ASCC3: variants seen among roughly 807,000 people sequenced by gnomAD.
ASCC3 encodes the protein ASC-1 complex subunit P200.
Under a neutral mutation model 256.3 loss-of-function variants are expected in ASCC3, and 158 were observed. The ratio of observed to expected loss-of-function variants is 0.62; its 90% CI spans 0.54 to 0.70. The LOEUF is 0.70. ASCC3 is among the 30% of genes least tolerant of loss of function. The pLI, the probability that ASCC3 is intolerant of heterozygous loss-of-function variation, is 0.00. For missense variants in ASCC3, 2,259 were observed against 2,626.0 expected (o/e 0.86, Z 3.05); for synonymous variants, 948 against 883.4 (o/e 1.07, Z -1.30).
At chr6:100,677,965 T>C (rs1184593068) in intron 14 of ASCC3, among the ~76,000 whole-genome samples, 6 of 152,092 alleles carry the variant, frequency 3.9e-5, no homozygotes, top group African/African-American at 9.7e-5. Flanking sequence ...CATTTTAAAA[T>C]ATCTCCATAT....
chr6:100,732,564 A>G (rs1213703972), intron 10 of ASCC3, among the ~76,000 whole-genome samples: 1 of 152,222 alleles, frequency 6.6e-6, no homozygotes, highest in East Asian at 1.9e-4. Context: ...GAACATGGGT[A>G]CATCTATAAA....
intron 30 of ASCC3, among the ~76,000 whole-genome samples, chr6:100,613,029 G>A: frequency 6.6e-6 from 1 of 151,254 alleles, no homozygotes; most frequent in East Asian, 1.9e-4. Flanking sequence ...TTCAATGTTT[G>A]CTTTTTAGTT....
At chr6:100,673,068 GAGA>G (rs1338005145) in intron 14 of ASCC3, among the ~76,000 whole-genome samples, 3 of 151,950 alleles carry the variant, frequency 2.0e-5, no homozygotes, top group Non-Finnish European at 4.4e-5. Context: ...TTTAACTTGG[GAGA>G]AAGAAAGTGC....
At chr6:100,717,542 A>G (rs965013643) in intron 12 of ASCC3, among the ~76,000 whole-genome samples, 1 of 151,992 alleles carries the variant, frequency 6.6e-6, no homozygotes, top group African/African-American at 2.4e-5. Context: ...TTAAAATTAG[A>G]TAAACTTTTT....
chr6:100,608,438 T>TTA lies in ASCC3; in HGVS notation c.4786-1352_4786-1351dup, dbSNP rs374483157. On this transcript the variant is annotated intron_variant, in intron 30 of 41. Coordinates refer to ENST00000369162, the MANE Select transcript of ASCC3 (RefSeq NM_006828.4). ...CTTATATATATTTTATATATATACTTTATATATATTTTATATATATATACT... is the reference window on the plus strand; with the variant it reads ...CTTATATATATTTTATATATATACTTTATATATATATTTTATATATATATACT... Among the ~76,000 whole-genome samples, 20 of 46,622 alleles carry TTA rather than the reference T, an allele frequency of 4.3e-4. 5 individuals are homozygous for TTA. The highest frequency in any genetic ancestry group is 5.5e-4 in the Non-Finnish European group (17 of 30,646). 30.6% of individuals were successfully genotyped at this position (46,622 alleles called of 152,430 possible).
chr6:100,879,919 G>A (rs1769206808), intron 1 of ASCC3, among the ~76,000 whole-genome samples: 2 of 151,954 alleles, frequency 1.3e-5, no homozygotes, highest in Admixed American at 1.3e-4. Context: ...CAGATCCATG[G>A]CATGAGAAAG....
intron 4 of ASCC3, among the ~76,000 whole-genome samples, chr6:100,810,081 T>C (rs1351418653): frequency 6.6e-6 from 1 of 152,152 alleles, no homozygotes; most frequent in Non-Finnish European, 1.5e-5. Context: ...GCCCACATGA[T>C]TGATACCTTC....
At chr6:100,543,067 C>G (rs1258567125) in intron 36 of ASCC3, among the ~76,000 whole-genome samples, 2 of 152,198 alleles carry the variant, frequency 1.3e-5, no homozygotes, top group African/African-American at 4.8e-5. Flanking sequence ...ACAGTTGTCC[C>G]TTGGTATCCA....
intron 5 of ASCC3, among the ~76,000 whole-genome samples, chr6:100,800,774 T>C (rs939903643): frequency 1.3e-5 from 2 of 151,952 alleles, no homozygotes; most frequent in African/African-American, 2.4e-5. Context: ...TTCTTACATA[T>C]AACATTAGGA....
intron 37 of ASCC3, among the ~76,000 whole-genome samples, chr6:100,525,204 G>GA (rs1774519380): frequency 8.8e-6 from 1 of 114,258 alleles, no homozygotes; most frequent in African/African-American, 3.1e-5. Context: ...AAAAGAAAAA[G>GA]AAAAGAGAAA....
At position 100,549,886 on chromosome 6, in the gene ASCC3, G is replaced by T. The variant is rs1254255250; in HGVS notation, c.5551-9499C>A. On this transcript the variant is annotated intron_variant, in intron 36 of 41. Coordinates refer to ENST00000369162, the MANE Select transcript of ASCC3 (RefSeq NM_006828.4). ...CCCAGAAGACACGGCATTTGTTCTA[G>T]GCTTAGAACAATTTGTAGAAGAGGA... Among the ~76,000 whole-genome samples, 3 of 151,910 alleles carry T rather than the reference G, an allele frequency of 2.0e-5. No individual in the cohort carries two copies. In the South Asian group the frequency reaches 6.2e-4, roughly 32 times the overall value.
chr6:100,555,979 G>C (rs1289837866), intron 36 of ASCC3, among the ~76,000 whole-genome samples: 1 of 152,152 alleles, frequency 6.6e-6, no homozygotes, highest in African/African-American at 2.4e-5. Flanking sequence ...CTGGGCGACA[G>C]AGTGAAACCA....
chr6:100,699,994 AAAG>A (rs1778278083), intron 13 of ASCC3, among the ~76,000 whole-genome samples: 1 of 152,190 alleles, frequency 6.6e-6, no homozygotes, highest in Non-Finnish European at 1.5e-5. Flanking sequence ...ATGCAGTAGA[AAAG>A]AAAATCCCAT....
chr6:100,562,488 TAGTA>T (rs1177327110), intron 36 of ASCC3, among the ~76,000 whole-genome samples: 3 of 152,058 alleles, frequency 2.0e-5, no homozygotes, highest in African/African-American at 7.2e-5. Context: ...TTCAGTTACT[TAGTA>T]AGTGATCTAT....
At chr6:100,763,564 C>T (rs979068003) in intron 10 of ASCC3, among the ~76,000 whole-genome samples, 8 of 152,012 alleles carry the variant, frequency 5.3e-5, no homozygotes, top group Middle Eastern at 3.2e-3. Flanking sequence ...AAGCTGAAGG[C>T]GGCTAATTCT....
rs576992402 is a variant in ASCC3 at position 100,655,670 on chromosome 6, AT to A, written c.2823+28del. ...TGAAAGAACCAAAAAGAAGGTCTGA[AT>A]TTTTTTTTTAATAAATGAGTTTTCT... is the stretch of plus-strand genomic sequence containing the variant. On this transcript the variant is annotated intron_variant, in intron 17 of 41. Transcript: ENST00000369162. The A allele has an allele frequency of 9.3e-4, 1,402 of 1,515,186 alleles. 4 individuals carry two copies. The highest frequency in any genetic ancestry group is 1.1e-3 in the Non-Finnish European group (1,226 of 1,108,826). The allele number at this position is 1,515,186 out of a possible 1,614,324, so 93.9% of individuals were successfully genotyped here.
intron 36 of ASCC3, among the ~76,000 whole-genome samples, chr6:100,557,978 C>G (rs138558557): frequency 1.3e-3 from 189 of 151,018 alleles, no homozygotes; most frequent in African/African-American, 4.5e-3. Flanking sequence ...CAACTGAGTT[C>G]TGTCTGATTC....
At chr6:100,827,182 T>A (rs949856500) in intron 4 of ASCC3, among the ~76,000 whole-genome samples, 2 of 152,244 alleles carry the variant, frequency 1.3e-5, no homozygotes, top group Non-Finnish European at 2.9e-5. Flanking sequence ...GTCCACAGTT[T>A]ACACTGGGGT....
At chr6:100,780,868 A>C (rs1782410124) in intron 8 of ASCC3, among the ~76,000 whole-genome samples, 1 of 152,214 alleles carries the variant, frequency 6.6e-6, no homozygotes, top group Admixed American at 6.5e-5. Flanking sequence ...TTAGTGTCCC[A>C]ACCTAAGCCT....
Sources: allele counts gnomAD v4.1 joint callset (sites outside exome capture counted in the v4.1 genomes callset), GRCh38; gene constraint gnomAD v4.1.1; transcripts MANE v1.5; gene names NCBI Gene and HGNC (gene_info 2026-07-23, HGNC 2026-07-21).